SEH1L: variants seen among roughly 807,000 people sequenced by gnomAD.
SEH1L encodes SEH1 like nucleoporin.
SEH1L carries 18 observed loss-of-function variants against 49.5 expected under a neutral mutation model. The observed-to-expected ratio is 0.36, with a 90% confidence interval of 0.25 to 0.54. The LOEUF (loss-of-function observed/expected upper bound fraction) is 0.54, where lower values mean the gene tolerates loss of function less well. Among genes scored for constraint, SEH1L ranks in the 20% least tolerant of loss-of-function variants. SEH1L has a pLI of 0.87. For missense variants in SEH1L, 404 were observed against 528.8 expected (o/e 0.76, Z 2.31); for synonymous variants, 169 against 178.1 (o/e 0.95, Z 0.41).
At chr18:12,962,820 A>G (rs2031255214) in intron 3 of SEH1L, among the ~76,000 whole-genome samples, 1 of 151,982 alleles carries the variant, frequency 6.6e-6, no homozygotes, top group African/African-American at 2.4e-5. Flanking sequence ...TTGTGTGACA[A>G]AACTTCTTGT....
intron 8 of SEH1L, chr18:12,985,517 T>G: frequency 1.6e-6 from 2 of 1,220,182 alleles, no homozygotes; most frequent in South Asian, 6.1e-5. Context: ...CAAAACAATT[T>G]TTTGAAATGT....
At chr18:12,961,545 T>C (rs1410824382) in intron 3 of SEH1L, among the ~76,000 whole-genome samples, 2 of 152,258 alleles carry the variant, frequency 1.3e-5, no homozygotes, top group Non-Finnish European at 2.9e-5. Context: ...GTGGTGTCTG[T>C]AGACAAAAGT....
At chr18:12,954,070 A>G (rs1393756809) in intron 2 of SEH1L, among the ~76,000 whole-genome samples, 2 of 152,236 alleles carry the variant, frequency 1.3e-5, no homozygotes, top group African/African-American at 4.8e-5. Flanking sequence ...AGACTGGACA[A>G]AACAAGGTTA....
At chr18:12,962,919 A>C (rs1244883672) in intron 3 of SEH1L, among the ~76,000 whole-genome samples, 1 of 151,678 alleles carries the variant, frequency 6.6e-6, no homozygotes, top group Non-Finnish European at 1.5e-5. Context: ...TTGGAGGTAG[A>C]CTTTTTTTTC....
chr18:12,966,124 GCT>G (rs1298768370), intron 4 of SEH1L, among the ~76,000 whole-genome samples: 1 of 138,312 alleles, frequency 7.2e-6, no homozygotes, highest in Non-Finnish European at 1.5e-5. Context: ...ACAGAGTCTT[GCT>G]CTGTCACCCA....
At chr18:12,980,948 G>A (rs1291186195) in intron 6 of SEH1L, among the ~76,000 whole-genome samples, 2 of 151,092 alleles carry the variant, frequency 1.3e-5, no homozygotes, top group Non-Finnish European at 3.0e-5. Flanking sequence ...CCCGGACGGG[G>A]TGGCTGCCGG....
chr18:12,954,586 C>G (rs138190378), intron 2 of SEH1L, among the ~76,000 whole-genome samples: 28 of 152,224 alleles, frequency 1.8e-4, no homozygotes, highest in Middle Eastern at 3.4e-3. Context: ...CCCACCTCAG[C>G]CTCCCAAGCA....
intron 1 of SEH1L, among the ~76,000 whole-genome samples, chr18:12,950,359 G>A (rs2030443545): frequency 1.3e-5 from 2 of 151,792 alleles, no homozygotes; most frequent in African/African-American, 4.8e-5. Flanking sequence ...TTATTCCAGA[G>A]TACTTTTTTT....
intron 4 of SEH1L, 71 bp from the exon 5 acceptor site, chr18:12,971,082 A>C: frequency 9.4e-7 from 1 of 1,067,676 alleles, no homozygotes; most frequent in Non-Finnish European, 1.5e-6. Flanking sequence ...GCTTGCCTCC[A>C]GTGTGTTCAT....
In SEH1L at chr18:12,955,389, A is replaced by G. The variant is rs1178940823; in HGVS notation, c.163-74A>G. The G allele has an allele frequency of 4.3e-6, 6 of 1,403,342 alleles. No individual in the cohort carries two copies. In the South Asian group the frequency reaches 5.4e-5, roughly 13 times the overall value. 86.9% of individuals were successfully genotyped at this position (1,403,342 alleles called of 1,614,324 possible). ...TAAAACCAGTGTTTATGAAATATGAATAAGTATTTAGGAAAAAAGAAGCCC... is the reference window on the plus strand; with the variant it reads ...TAAAACCAGTGTTTATGAAATATGAGTAAGTATTTAGGAAAAAAGAAGCCC... On this transcript the variant is annotated intron_variant, in intron 2 of 8. Transcript: ENST00000399892.
intron 7 of SEH1L, 95 bp from the exon 8 acceptor site, chr18:12,983,945 G>A (rs1319651183): frequency 4.6e-6 from 4 of 860,964 alleles, no homozygotes; most frequent in South Asian, 2.5e-5. Context: ...CCTCTGTCTC[G>A]TTTCTTTAAT....
Position 12,987,067 on chromosome 18 carries a change from T to G in SEH1L, c.*10T>G. The G allele has an allele frequency of 6.4e-7, 1 of 1,566,068 alleles. No individual in the cohort carries two copies. The highest frequency in any genetic ancestry group is 8.7e-7 in the Non-Finnish European group (1 of 1,145,992). On this transcript the variant is annotated 3_prime_UTR_variant, in exon 9 of 9. Coordinates refer to ENST00000399892, the MANE Select transcript of SEH1L (RefSeq NM_001013437.2). Reference sequence around the variant, plus strand: ...GAATGAAGGGATTTAAAACACTGATTTAACATTGAAAGGCCTTATTCAAGT... The same window carrying G: ...GAATGAAGGGATTTAAAACACTGATGTAACATTGAAAGGCCTTATTCAAGT...
At chr18:12,981,918 G>T (rs2145668353) in intron 6 of SEH1L, among the ~76,000 whole-genome samples, 1 of 135,582 alleles carries the variant, frequency 7.4e-6, no homozygotes, top group Middle Eastern at 4.3e-3. Flanking sequence ...GGAGGGCAGT[G>T]GCTTGATCTT....
At chr18:12,985,153 G>C in intron 8 of SEH1L, 1 of 1,405,542 alleles carries the variant, frequency 7.1e-7, no homozygotes, top group Non-Finnish European at 9.7e-7. Context: ...TCTATTTTTT[G>C]ATCTGTATTC....
In SEH1L at chr18:12,951,865, A is replaced by G. The variant is rs2030553682; in HGVS notation, c.122A>G (p.Lys41Arg). The G allele has an allele frequency of 6.3e-7, 1 of 1,576,066 alleles. No homozygotes were observed. Among genetic ancestry groups the G allele is most frequent in the African/African-American group, 1.4e-5 (1 of 73,490 alleles). The change falls in exon 2 of 9, where the codon AAA (lysine) becomes AGA (arginine). Residue 41 changes from lysine (K) to arginine (R), a missense_variant. Physicochemically the swap from Lys to Arg is conservative, Grantham distance 26. Around this residue, in one of 3 missense-constraint regions of SEH1L, gnomAD observed 57 missense variants for 71.9 expected, o/e 0.79. Coordinates refer to ENST00000399892, the MANE Select transcript of SEH1L (RefSeq NM_001013437.2). The stretch of plus-strand genomic sequence containing the variant: ...TTTATTTTCTTATAGGTCTGGGATA[A>G]AAGTGAAAGTGGTGATTGGCATTGT... ...SSDQSVKVWD[K>R]SESGDWHCTA...
intron 4 of SEH1L, among the ~76,000 whole-genome samples, chr18:12,968,680 T>G (rs746259882): frequency 6.6e-6 from 1 of 152,204 alleles, no homozygotes; most frequent in Non-Finnish European, 1.5e-5. Context: ...TGGCACTCTT[T>G]CTAGATTTCT....
At position 12,966,154 on chromosome 18, in the gene SEH1L, G is replaced by A. The variant is rs2031444069; in HGVS notation, c.521+2783G>A. ...GTCACCCAGGCTGGAGTGCAGTGGT[G>A]TGATCTTGGCTCACTGCAAGCTCCG... On this transcript the variant is annotated intron_variant, in intron 4 of 8. Transcript: ENST00000399892. Among the ~76,000 whole-genome samples, 3 of 145,378 alleles carry A rather than the reference G, an allele frequency of 2.1e-5. No homozygotes were observed. In the South Asian group the frequency reaches 6.5e-4, roughly 32 times the overall value.
At chr18:12,960,222 TTTATCA>T (rs2031105227) in intron 3 of SEH1L, among the ~76,000 whole-genome samples, 1 of 152,244 alleles carries the variant, frequency 6.6e-6, no homozygotes, top group Non-Finnish European at 1.5e-5. Context: ...ACATCAACAG[TTTATCA>T]TTATATTGTG....
chr18:12,968,512 C>T (rs1360496739), intron 4 of SEH1L, among the ~76,000 whole-genome samples: 1 of 152,126 alleles, frequency 6.6e-6, no homozygotes, highest in African/African-American at 2.4e-5. Context: ...TTGTCCGTGA[C>T]TCATTTATAT....
Sources: gnomAD v4.1 joint callset for allele counts (sites outside exome capture counted in the v4.1 genomes callset) on GRCh38, gnomAD v4.1.1 for gene constraint, gnomAD v4.1.1 regional missense constraint, MANE v1.5 for transcripts, NCBI Gene and HGNC (gene_info 2026-07-23, HGNC 2026-07-21) for gene names.